Variants in NHSL1 observed in about 807,000 individuals in gnomAD.
NHSL1 encodes NHS-like protein 1.
A neutral mutation model predicts 95.0 loss-of-function variants in NHSL1; 48 were observed. That is an observed-to-expected ratio of 0.51 (90% CI 0.40 to 0.64). The LOEUF (loss-of-function observed/expected upper bound fraction) is 0.64. NHSL1 is among the 30% of genes least tolerant of loss of function. The pLI, the probability that NHSL1 is intolerant of heterozygous loss-of-function variation, is 0.00. For synonymous variants in NHSL1, 783 were observed against 833.9 expected, an observed-to-expected ratio of 0.94 and a Z score of 1.05; for missense variants, 1,971 against 2,077.7, an observed-to-expected ratio of 0.95 and a Z score of 1.00.
At position 138,587,859 on chromosome 6, in the gene NHSL1, C is replaced by A. The variant is rs4437489; in HGVS notation, c.97-91488G>T. On this transcript the variant is annotated intron_variant, in intron 1 of 3. Coordinates refer to the NHSL1 transcript ENST00000491526. ...ACACAACAACAGACACTGCCTCCCACGGTCACCAGGAAAGTTAAGCCAAAC... is the reference window on the plus strand; with the variant it reads ...ACACAACAACAGACACTGCCTCCCAAGGTCACCAGGAAAGTTAAGCCAAAC... Among the ~76,000 whole-genome samples the A allele has an allele frequency of 2.6e-5, 4 of 152,072 alleles. No individual in the cohort carries two copies. In the South Asian group the frequency reaches 6.2e-4, roughly 24 times the overall value.
At chr6:138,651,847 T>C (rs1300999882) in intron 1 of NHSL1, among the ~76,000 whole-genome samples, 1 of 152,158 alleles carries the variant, frequency 6.6e-6, no homozygotes, top group Non-Finnish European at 1.5e-5. Flanking sequence ...GAAAATACCA[T>C]CACAAAGATA....
At chr6:138,557,925 A>G (rs947740137) in intron 1 of NHSL1, among the ~76,000 whole-genome samples, 3 of 152,240 alleles carry the variant, frequency 2.0e-5, no homozygotes, top group Non-Finnish European at 4.4e-5. Context: ...CTCTGGGTGT[A>G]GACTATACTT....
chr6:138,588,374 A>C (rs1784172660), intron 1 of NHSL1, among the ~76,000 whole-genome samples: 1 of 152,224 alleles, frequency 6.6e-6, no homozygotes, highest in Non-Finnish European at 1.5e-5. Context: ...AGGCAAGAGA[A>C]TCGCTTGAAC....
intron 1 of NHSL1, among the ~76,000 whole-genome samples, chr6:138,654,256 T>C (rs1785128239): frequency 6.6e-6 from 1 of 152,240 alleles, no homozygotes; most frequent in Non-Finnish European, 1.5e-5. Flanking sequence ...ACTTTATTTT[T>C]TCTTAATATG....
At chr6:138,673,333 ACT>A (rs1394140464) in intron 1 of NHSL1, among the ~76,000 whole-genome samples, 1 of 150,476 alleles carries the variant, frequency 6.6e-6, no homozygotes, top group Non-Finnish European at 1.5e-5. Context: ...AAAAAAAAAG[ACT>A]CTTCTTATTT....
At chr6:138,440,740 G>A (rs1776475348) in intron 5 of NHSL1, among the ~76,000 whole-genome samples, 1 of 152,240 alleles carries the variant, frequency 6.6e-6, no homozygotes, top group African/African-American at 2.4e-5. Context: ...AAACAGAGAA[G>A]CACAATGTCT....
In NHSL1 at chr6:138,651,586, G is replaced by C. The variant is rs995604339; in HGVS notation, c.96+40890C>G. ...CTTTAGACGGAAGGTGAACGGAAAG[G>C]AATGTTTTCCAAGAGGAAGGGAATA... On this transcript the variant is annotated intron_variant, in intron 1 of 3. Coordinates refer to the NHSL1 transcript ENST00000491526. Among the ~76,000 whole-genome samples the C allele has an allele frequency of 2.0e-5, 3 of 152,188 alleles. No individual in the cohort carries two copies. The East Asian group carries it at 5.8e-4, about 29-fold the overall frequency.
chr6:138,444,153 T>C lies in NHSL1; in HGVS notation c.533-2039A>G, dbSNP rs112818677. ...TTACTCACTGCCTTTAATTGAAAAA[T>C]GGCATTCATCAGTCATGGTTACTAT... On this transcript the variant is annotated intron_variant, in intron 4 of 7. Transcript: ENST00000343505. Among the ~76,000 whole-genome samples, 429 of 152,164 alleles carry C rather than the reference T, an allele frequency of 2.8e-3. 1 individual carries two copies. The highest frequency in any genetic ancestry group is 1.0e-2 in the African/African-American group (415 of 41,518).
At chr6:138,610,560 T>TTATA (rs909564393) in intron 1 of NHSL1, among the ~76,000 whole-genome samples, 1 of 64,614 alleles carries the variant, frequency 1.5e-5, no homozygotes, top group Non-Finnish European at 2.9e-5. Context: ...TATATATATA[T>TTATA]TATATATATA....
intron 1 of NHSL1, among the ~76,000 whole-genome samples, chr6:138,677,485 C>G (rs557320924): frequency 2.6e-5 from 4 of 152,130 alleles, no homozygotes; most frequent in Non-Finnish European, 4.4e-5. Flanking sequence ...ATAGTGAAGG[C>G]CTGCTACCAA....
upstream of NHSL1, among the ~76,000 whole-genome samples, chr6:138,501,086 G>A (rs1780649795): frequency 6.6e-6 from 1 of 152,190 alleles, no homozygotes; most frequent in African/African-American, 2.4e-5. Flanking sequence ...ACACTCATAT[G>A]CACAATCCAC....
intron 3 of NHSL1, among the ~76,000 whole-genome samples, chr6:138,470,218 C>T (rs1009083541): frequency 9.2e-5 from 14 of 152,058 alleles, no homozygotes; most frequent in African/African-American, 3.1e-4. Context: ...ATACAAGTTC[C>T]CCATAAATAT....
chr6:138,477,426 C>A (rs546547095), intron 2 of NHSL1, among the ~76,000 whole-genome samples: 1 of 152,058 alleles, frequency 6.6e-6, no homozygotes, highest in East Asian at 1.9e-4. Context: ...ATAATGAGAC[C>A]GCATTTCTAG....
In NHSL1 at chr6:138,571,053, G is replaced by C. The variant is rs183567237; in HGVS notation, c.202+657C>G. ...CAGGACTGGTATTTTTTTTCATCTT[G>C]GAGGCAAAACATGTTAATCCTGAGA... On this transcript the variant is annotated intron_variant, in intron 1 of 6. Coordinates refer to the NHSL1 transcript ENST00000427025. Among the ~76,000 whole-genome samples the C allele has an allele frequency of 4.6e-4, 70 of 151,706 alleles. No homozygotes were observed. In the East Asian group the frequency reaches 7.1e-3, roughly 15 times the overall value.
intron 1 of NHSL1, among the ~76,000 whole-genome samples, chr6:138,623,195 C>T (rs1784689559): frequency 6.6e-6 from 1 of 152,094 alleles, no homozygotes; most frequent in Non-Finnish European, 1.5e-5. Context: ...TTTAGATGCC[C>T]TTACAGTCAT....
At chr6:138,611,074 C>CAA (rs35836188) in intron 1 of NHSL1, among the ~76,000 whole-genome samples, 7 of 133,066 alleles carry the variant, frequency 5.3e-5, no homozygotes, top group Non-Finnish European at 4.9e-5. Flanking sequence ...AGACTGTCTC[C>CAA]AAAAAAAAAA....
chr6:138,565,943 TAA>T (rs5880386), intron 1 of NHSL1, among the ~76,000 whole-genome samples: 18 of 133,272 alleles, frequency 1.4e-4, no homozygotes, highest in African/African-American at 2.3e-4. Flanking sequence ...ACCCTGTTTC[TAA>T]AAAAAAAAAA....
chr6:138,517,930 C>G (rs1026646752), intron 1 of NHSL1, among the ~76,000 whole-genome samples: 2 of 152,140 alleles, frequency 1.3e-5, no homozygotes, highest in Non-Finnish European at 1.5e-5. Context: ...CAGGGTGGCA[C>G]AGCCTAGGTC....
rs377602478 is a variant in NHSL1 at position 138,437,375 on chromosome 6, C to CAT, written c.665-3697_665-3696dup. On this transcript the variant is annotated intron_variant, in intron 5 of 7. Transcript: ENST00000343505. ...ATATATACACATATATATATATACA[C>CAT]ATATATATATACACATATATATATA... Among the ~76,000 whole-genome samples the CAT allele has an allele frequency of 3.9e-4, 14 of 36,190 alleles. 1 individual carries two copies. Among genetic ancestry groups the CAT allele is most frequent in the South Asian group, 9.1e-4 (1 of 1,094 alleles). 23.7% of individuals were successfully genotyped at this position (36,190 alleles called of 152,430 possible). A position where few individuals can be genotyped will look rare whatever the true frequency, so the allele number is the denominator to read the frequency against.
Sources: allele counts gnomAD v4.1 joint callset (sites outside exome capture counted in the v4.1 genomes callset), GRCh38; gene constraint gnomAD v4.1.1; transcripts MANE v1.5; gene names NCBI Gene and HGNC (gene_info 2026-07-23, HGNC 2026-07-21).